Variants in DEPDC5 observed in about 807,000 individuals in gnomAD.
DEPDC5 encodes GATOR1 complex protein DEPDC5.
In DEPDC5, 73 loss-of-function variants were observed where a neutral mutation model predicts 217.3. The observed-to-expected ratio is 0.34, with a 90% CI of 0.28 to 0.41. The LOEUF (loss-of-function observed/expected upper bound fraction) is 0.41, where lower values mean the gene tolerates loss of function less well. Among genes scored for constraint, DEPDC5 ranks in the 10% least tolerant of loss-of-function variants. The pLI is 1.00. For synonymous variants in DEPDC5, 733 were observed against 756.7 expected (o/e 0.97, Z 0.51); for missense variants, 1,675 against 2,070.1 (o/e 0.81, Z 3.70).
rs114715643 is a variant in DEPDC5 at position 31,825,044 on chromosome 22, G to A, written c.2104+2254G>A. Among the ~76,000 whole-genome samples the A allele has an allele frequency of 9.8e-3, 1,497 of 152,138 alleles. 27 individuals are homozygous for A. The highest frequency in any genetic ancestry group is 0.031 in the African/African-American group (1,294 of 41,494). ...GGCTATTGCTTTGCTATGCCAAGGA[G>A]CCATTTTTAGGAACCCAGAGTTTGA... On this transcript the variant is annotated intron_variant, in intron 24 of 42. Coordinates refer to ENST00000651528, the MANE Select transcript of DEPDC5 (RefSeq NM_001242896.3).
intron 10 of DEPDC5, among the ~76,000 whole-genome samples, chr22:31,789,669 A>G (rs2085409176): frequency 1.3e-5 from 2 of 152,346 alleles, no homozygotes; most frequent in South Asian, 4.1e-4. Flanking sequence ...ACATGAAAAC[A>G]TTTTGATGAA....
intron 24 of DEPDC5, among the ~76,000 whole-genome samples, chr22:31,831,436 G>A (rs908016467): frequency 1.3e-5 from 2 of 152,100 alleles, no homozygotes; most frequent in African/African-American, 4.8e-5. Context: ...TTGGCCAGGT[G>A]ATGTCATCTT....
At chr22:31,853,519 C>T (rs1402761669) in intron 31 of DEPDC5, 1 of 152,200 alleles carries the variant, frequency 6.6e-6, no homozygotes, top group Non-Finnish European at 1.5e-5. Context: ...TTTTCTTTCA[C>T]TGCCCCAGAT....
chr22:31,897,627 A>G lies in DEPDC5; in HGVS notation c.4349A>G (p.Lys1450Arg). ...FIPLNISCLL[K>R]EGSEHLFDSF... ...CCACTCAACATCAGCTGCTTGCTCA[A>G]GGAGGGCAGCGAGCACCTGTTTGAT... The change falls in exon 40 of 43, where the codon AAG becomes AGG. Residue 1450 changes from lysine (K) to arginine (R), a missense_variant. Lys to Arg is a conservative substitution (Grantham distance 26, BLOSUM62 2). Transcript: ENST00000651528. 6.2e-7 allele frequency: 1 copy of G among 1,614,048 alleles called. No individual in the cohort carries two copies. Among genetic ancestry groups the G allele is most frequent in the Non-Finnish European group, 8.5e-7 (1 of 1,180,002 alleles).
intron 10 of DEPDC5, among the ~76,000 whole-genome samples, chr22:31,788,565 A>G (rs184623562): frequency 6.9e-6 from 1 of 145,124 alleles, no homozygotes; most frequent in Non-Finnish European, 1.5e-5. Flanking sequence ...GACGTGAGCT[A>G]CAGTGCCTAG....
intron 39 of DEPDC5, among the ~76,000 whole-genome samples, chr22:31,895,197 G>A (rs1450064539): frequency 6.6e-6 from 1 of 151,692 alleles, no homozygotes; most frequent in Non-Finnish European, 1.5e-5. Context: ...CAGGGTGGGT[G>A]CTACTGGTGT....
chr22:31,828,343 T>C (rs981498272), intron 24 of DEPDC5, among the ~76,000 whole-genome samples: 5 of 149,326 alleles, frequency 3.3e-5, no homozygotes, highest in African/African-American at 1.2e-4. Flanking sequence ...CCCAGCTACT[T>C]GGGAGGCTGA....
At chr22:31,761,842 C>T (rs1014403056) in intron 4 of DEPDC5, among the ~76,000 whole-genome samples, 4 of 151,674 alleles carry the variant, frequency 2.6e-5, no homozygotes, top group Non-Finnish European at 4.4e-5. Flanking sequence ...GTGGCATGCA[C>T]CTATAATCCT....
chr22:31,854,101 C>G (rs2092168138), intron 31 of DEPDC5, among the ~76,000 whole-genome samples: 1 of 152,192 alleles, frequency 6.6e-6, no homozygotes, highest in Admixed American at 6.5e-5. Flanking sequence ...CTGAACATAC[C>G]TGAGCATGCC....
intron 7 of DEPDC5, among the ~76,000 whole-genome samples, chr22:31,775,699 C>T (rs1475771015): frequency 6.6e-6 from 1 of 152,094 alleles, no homozygotes; most frequent in Non-Finnish European, 1.5e-5. Context: ...GCCCTATCCT[C>T]ACACTGTCCT....
rs946789741 is a variant in DEPDC5, at chr22:31,782,075, C to T, written c.484-1832C>T. 6.6e-5 allele frequency among the ~76,000 whole-genome samples: 10 copies of T among 151,982 alleles called. 1 individual carries two copies. The highest frequency in any genetic ancestry group is 2.2e-4 in the African/African-American group (9 of 41,460). ...ACAACTTTAATTATTAAGAACCTTG[C>T]ATATTTATTATGATAACATTTAGAC... On this transcript the variant is annotated intron_variant, in intron 8 of 42. Transcript: ENST00000651528.
intron 4 of DEPDC5, among the ~76,000 whole-genome samples, chr22:31,762,068 G>A (rs1048860636): frequency 5.3e-5 from 8 of 151,722 alleles, no homozygotes; most frequent in African/African-American, 1.9e-4. Context: ...ACCTCCCAAA[G>A]TGCTAAGATT....
chr22:31,898,748 GA>G (rs2093597883), intron 40 of DEPDC5, among the ~76,000 whole-genome samples: 1 of 152,164 alleles, frequency 6.6e-6, no homozygotes, highest in African/African-American at 2.4e-5. Context: ...CAGTTTGGAA[GA>G]TTTTTTTTAT....
intron 17 of DEPDC5, 62 bp from the exon 18 acceptor site, chr22:31,806,060 T>C: frequency 6.9e-7 from 1 of 1,458,756 alleles, no homozygotes. Context: ...GTATTTTAAC[T>C]GTGTTTTGAG....
In DEPDC5 at chr22:31,792,483, G is replaced by C. The variant is rs953462877; in HGVS notation, c.695-262G>C. ...TAGCCAGGTGTGGTGGCATGCACCTGTAGTCCCAGCTACCCAGGAGGCTGA... is the reference window on the plus strand; with the variant it reads ...TAGCCAGGTGTGGTGGCATGCACCTCTAGTCCCAGCTACCCAGGAGGCTGA... On this transcript the variant is annotated intron_variant, in intron 11 of 42. Coordinates refer to ENST00000651528, the MANE Select transcript of DEPDC5 (RefSeq NM_001242896.3). Among the ~76,000 whole-genome samples, 10 of 151,824 alleles carry C rather than the reference G, an allele frequency of 6.6e-5. 1 individual carries two copies. Among genetic ancestry groups the C allele is most frequent in the African/African-American group, 1.7e-4 (7 of 41,326 alleles).
rs1335760559 is a variant in DEPDC5, at chr22:31,864,526, T to TATATATA, written c.3330+3093_3330+3094insATATATA. On this transcript the variant is annotated intron_variant, in intron 33 of 42. Coordinates refer to ENST00000651528, the MANE Select transcript of DEPDC5 (RefSeq NM_001242896.3). Reference sequence around the variant, plus strand: ...AATATATATATATATATATATATATTTATATATTTATTTATTTACTGTGTG... The same window carrying TATATATA: ...AATATATATATATATATATATATATTATATATATATATATTTATTTATTTACTGTGTG... Among the ~76,000 whole-genome samples the TATATATA allele has an allele frequency of 9.0e-3, 1,063 of 117,632 alleles. 11 individuals are homozygous for TATATATA. Among genetic ancestry groups the TATATATA allele is most frequent in the Non-Finnish European group, 0.013 (755 of 57,904 alleles). 77.2% of individuals were successfully genotyped at this position (117,632 alleles called of 152,430 possible).
intron 18 of DEPDC5, 50 bp downstream of exon 18, chr22:31,806,241 T>G (rs2087523144): frequency 3.3e-6 from 5 of 1,504,376 alleles, no homozygotes; most frequent in Non-Finnish European, 4.6e-6. Context: ...GGTCCAGTCT[T>G]ATCTTGAGCT....
intron 20 of DEPDC5, among the ~76,000 whole-genome samples, chr22:31,811,491 T>C (rs2088328105): frequency 2.0e-5 from 3 of 152,134 alleles, no homozygotes; most frequent in Admixed American, 2.0e-4. Context: ...GGCATGAACT[T>C]TTCTTTCTTT....
intron 40 of DEPDC5, among the ~76,000 whole-genome samples, chr22:31,899,917 C>T (rs1349589660): frequency 3.9e-5 from 6 of 152,226 alleles, no homozygotes; most frequent in African/African-American, 1.2e-4. Flanking sequence ...TCCCCCTCCA[C>T]TCTTGGTTCT....
Sources: gnomAD v4.1 joint callset for allele counts (sites outside exome capture counted in the v4.1 genomes callset) on GRCh38, gnomAD v4.1.1 for gene constraint, MANE v1.5 for transcripts, NCBI Gene and HGNC (gene_info 2026-07-23, HGNC 2026-07-21) for gene names.